Variants in PLXNA4 observed in about 807,000 individuals in gnomAD.
PLXNA4 encodes plexin A4, also known as plexin-A4.
PLXNA4 carries 44 observed loss-of-function variants against 191.8 expected under a neutral mutation model. The observed-to-expected ratio is 0.23, with a 90% CI of 0.18 to 0.29. The LOEUF is 0.29. Among genes scored for constraint, PLXNA4 ranks in the 10% least tolerant of loss-of-function variants. The pLI is 1.00. For missense variants in PLXNA4, 1,800 were observed against 2,488.8 expected (o/e 0.72, Z 5.89); for synonymous variants, 1,082 against 1,009.5 (o/e 1.07, Z -1.36).
intron 3 of PLXNA4, among the ~76,000 whole-genome samples, chr7:132,419,173 G>A (rs544419646): frequency 6.6e-6 from 1 of 152,274 alleles, no homozygotes; most frequent in South Asian, 2.1e-4. Flanking sequence ...TCCTCTTTAA[G>A]TGGGAGAAAA....
intron 9 of PLXNA4, among the ~76,000 whole-genome samples, chr7:132,212,694 GAGAAAGCTATAA>G (rs1356354054): frequency 1.3e-5 from 2 of 152,150 alleles, no homozygotes; most frequent in Admixed American, 6.5e-5. Flanking sequence ...GAAAGGGAGA[GAGAAAGCTATAA>G]GGGAAGCTAG....
chr7:132,624,644 C>A lies in PLXNA4; in HGVS notation c.-87+21284G>T, dbSNP rs77088855. On this transcript the variant is annotated intron_variant, in intron 2 of 4. Coordinates refer to the PLXNA4 transcript ENST00000378539. ...AAGGGAAGCATGAGCTTGAAAACTA[C>A]AGTTCCTGGGTCCTGGTATAAGTCA... Among the ~76,000 whole-genome samples, 707 of 152,308 alleles carry A rather than the reference C, an allele frequency of 4.6e-3. 8 individuals carry two copies. The highest frequency in any genetic ancestry group is 0.015 in the African/African-American group (639 of 41,558).
intron 1 of PLXNA4, among the ~76,000 whole-genome samples, chr7:132,648,099 A>G (rs1803918619): frequency 6.6e-6 from 1 of 152,116 alleles, no homozygotes; most frequent in South Asian, 2.1e-4. Context: ...AGTGTCATAT[A>G]CACATATACA....
Position 132,277,846 on chromosome 7 carries a change from C to T in PLXNA4, c.1503+20245G>A, listed in dbSNP as rs933285680. Among the ~76,000 whole-genome samples the T allele has an allele frequency of 5.3e-5, 8 of 152,200 alleles. No homozygotes were observed. In the South Asian group the frequency reaches 1.2e-3, roughly 24 times the overall value. On this transcript the variant is annotated intron_variant, in intron 4 of 31. Transcript: ENST00000321063. The stretch of plus-strand genomic sequence containing the variant: ...AGAGGCCATATGGTCTCTGTCTCAA[C>T]TATGCAACTCTGCTGTTGTGGCCAA...
intron 4 of PLXNA4, chr7:132,264,277 G>T (rs912186445): frequency 1.3e-5 from 2 of 152,216 alleles, no homozygotes; most frequent in African/African-American, 4.8e-5. Flanking sequence ...CCTGGAGTTT[G>T]CTCCCTCTAC....
At position 132,297,979 on chromosome 7, in the gene PLXNA4, C is replaced by T. The variant is rs193284678; in HGVS notation, c.1503+112G>A. ...AGTATAACTGAAAAGATACATACTA[C>T]GCCAAATAAATCAAATCACCTCTCT... On this transcript the variant is annotated intron_variant, in intron 4 of 31. Coordinates refer to ENST00000321063, the MANE Select transcript of PLXNA4 (RefSeq NM_020911.2). 60 of 1,390,818 alleles carry T rather than the reference C, an allele frequency of 4.3e-5. 1 individual carries two copies. The highest frequency in any genetic ancestry group is 2.3e-4 in the African/African-American group (16 of 70,198). 86.2% of individuals were successfully genotyped at this position (1,390,818 alleles called of 1,614,324 possible). A position where few individuals can be genotyped will look rare whatever the true frequency, so the allele number is the denominator to read the frequency against.
intron 31 of PLXNA4, 90 bp downstream of exon 31, chr7:132,132,959 G>A: frequency 6.6e-7 from 1 of 1,522,240 alleles, no homozygotes; most frequent in Non-Finnish European, 8.8e-7. Context: ...ATGTGTCTGT[G>A]GCGATGATCT....
At chr7:132,430,761 G>C (rs976302621) in intron 3 of PLXNA4, among the ~76,000 whole-genome samples, 1 of 152,212 alleles carries the variant, frequency 6.6e-6, no homozygotes, top group Admixed American at 6.5e-5. Context: ...TAGGTGGTAG[G>C]AGGCATTGAA....
rs530389424 is a variant in PLXNA4 at position 132,360,683 on chromosome 7, G to A, written c.1372-62461C>T. 3.9e-5 allele frequency among the ~76,000 whole-genome samples: 6 copies of A among 152,312 alleles called. No individual in the cohort carries two copies. In the South Asian group the frequency reaches 1.2e-3, roughly 32 times the overall value. ...CAAACCCCCCATAGAGTTGTTGCAG[G>A]TGGCCAGTGCCTCTGTCCACCTCGG... On this transcript the variant is annotated intron_variant, in intron 3 of 31. Coordinates refer to ENST00000321063, the MANE Select transcript of PLXNA4 (RefSeq NM_020911.2).
intron 21 of PLXNA4, among the ~76,000 whole-genome samples, chr7:132,170,515 G>A (rs1796252946): frequency 6.6e-6 from 1 of 152,208 alleles, no homozygotes; most frequent in African/African-American, 2.4e-5. Flanking sequence ...AAATGGAGAT[G>A]GCCAGAGAAA....
At chr7:132,225,623 C>CT (rs386411341) in intron 8 of PLXNA4, among the ~76,000 whole-genome samples, 15 of 151,346 alleles carry the variant, frequency 9.9e-5, no homozygotes, top group African/African-American at 2.9e-4. Context: ...TCCGCCCCCC[C>CT]CCACAGCTTT....
intron 21 of PLXNA4, among the ~76,000 whole-genome samples, chr7:132,173,082 A>G (rs7802114): frequency 0.15 from 22,314 of 152,154 alleles, 2,784 homozygotes; most frequent in African/African-American, 0.29. Flanking sequence ...AATAAGGTAC[A>G]TGCACAGTCT....
chr7:132,619,014 T>C (rs12533192), intron 2 of PLXNA4, among the ~76,000 whole-genome samples: 28,351 of 152,148 alleles, frequency 0.19, 3,273 homozygotes, highest in African/African-American at 0.31. Flanking sequence ...TTCATTAGAC[T>C]GTATTTCTAT....
chr7:132,305,237 A>C (rs77918267), intron 3 of PLXNA4, among the ~76,000 whole-genome samples: 1 of 152,046 alleles, frequency 6.6e-6, no homozygotes, highest in East Asian at 1.9e-4. Context: ...TTTCAATATT[A>C]ACGACTGGTG....
intron 4 of PLXNA4, among the ~76,000 whole-genome samples, chr7:132,260,852 G>C (rs1188895652): frequency 6.6e-6 from 1 of 152,066 alleles, no homozygotes; most frequent in Non-Finnish European, 1.5e-5. Context: ...TACAACCCCA[G>C]AGTGAGCCCT....
At chr7:132,543,550 A>G (rs944373098) in intron 1 of PLXNA4, among the ~76,000 whole-genome samples, 1 of 152,210 alleles carries the variant, frequency 6.6e-6, no homozygotes, top group Non-Finnish European at 1.5e-5. Context: ...AAGGTCAGTC[A>G]ATTGAATTAG....
At chr7:132,309,539 C>G (rs1801649800) in intron 3 of PLXNA4, among the ~76,000 whole-genome samples, 1 of 152,132 alleles carries the variant, frequency 6.6e-6, no homozygotes, top group Non-Finnish European at 1.5e-5. Flanking sequence ...TCCTCTCTGC[C>G]CACACAACTG....
At chr7:132,406,516 G>T (rs1054413972) in intron 3 of PLXNA4, among the ~76,000 whole-genome samples, 1 of 152,174 alleles carries the variant, frequency 6.6e-6, no homozygotes, top group Non-Finnish European at 1.5e-5. Flanking sequence ...TGAATGAAAA[G>T]AATAGGGCTT....
At chr7:132,467,086 G>A (rs1687971422) in intron 3 of PLXNA4, among the ~76,000 whole-genome samples, 1 of 152,178 alleles carries the variant, frequency 6.6e-6, no homozygotes, top group Non-Finnish European at 1.5e-5. Context: ...CAGAGGGACT[G>A]AGAAGTCACT....
Sources: allele counts gnomAD v4.1 joint callset (sites outside exome capture counted in the v4.1 genomes callset), GRCh38; gene constraint gnomAD v4.1.1; transcripts MANE v1.5; gene names NCBI Gene and HGNC (gene_info 2026-07-23, HGNC 2026-07-21).